ATXN7: variants seen among roughly 807,000 people sequenced by gnomAD.
The protein encoded by ATXN7 is ataxin-7.
A neutral mutation model predicts 70.5 loss-of-function variants in ATXN7; 12 were observed. The ratio of observed to expected loss-of-function variants is 0.17; its 90% CI spans 0.11 to 0.28. The LOEUF is 0.28. ATXN7 is among the 10% of genes least tolerant of loss of function. The pLI is 1.00. For missense variants in ATXN7, 1,256 were observed against 1,131.7 expected (o/e 1.11, Z -1.58); for synonymous variants, 498 against 448.7 (o/e 1.11, Z -1.39).
intron 1 of ATXN7, among the ~76,000 whole-genome samples, chr3:63,885,971 C>T (rs1229253476): frequency 6.6e-6 from 1 of 152,048 alleles, no homozygotes; most frequent in Non-Finnish European, 1.5e-5. Flanking sequence ...GAGCTGGGAT[C>T]ACGCCACTAT....
intron 5 of ATXN7, among the ~76,000 whole-genome samples, chr3:63,969,763 G>A (rs1233903418): frequency 6.6e-6 from 1 of 152,114 alleles, no homozygotes; most frequent in Non-Finnish European, 1.5e-5. Flanking sequence ...CAAATTGGAA[G>A]GCTATCCTTA....
At chr3:63,961,951 A>T (rs1425436236) in intron 5 of ATXN7, among the ~76,000 whole-genome samples, 1 of 152,176 alleles carries the variant, frequency 6.6e-6, no homozygotes, top group East Asian at 1.9e-4. Context: ...ACGATGACTA[A>T]GATAAACACA....
intron 5 of ATXN7, among the ~76,000 whole-genome samples, chr3:63,958,638 A>G (rs1440375593): frequency 1.3e-5 from 2 of 152,162 alleles, no homozygotes; most frequent in African/African-American, 4.8e-5. Flanking sequence ...TTTAGCTCAT[A>G]ACTGTTTTTG....
chr3:63,907,898 TATTATA>T (rs1195753783), intron 2 of ATXN7, among the ~76,000 whole-genome samples: 1 of 152,210 alleles, frequency 6.6e-6, no homozygotes, highest in Non-Finnish European at 1.5e-5. Flanking sequence ...TTACCTTTTA[TATTATA>T]ATTTATTATT....
intron 1 of ATXN7, among the ~76,000 whole-genome samples, chr3:63,881,226 T>C (rs529916618): frequency 6.7e-6 from 1 of 149,660 alleles, no homozygotes; most frequent in Non-Finnish European, 1.5e-5. Flanking sequence ...AAAAAATGGA[T>C]TACTCTTAGC....
At position 63,863,920 on chromosome 3, in the gene ATXN7, G is replaced by T. The variant is rs1702314741; in HGVS notation, c.-349G>T. The stretch of plus-strand genomic sequence containing the variant: ...GGAGGAGGCGGCGGCGCCCGCGGCC[G>T]CCTGCTCCGACGCCTGAGCCGCGCC... On this transcript the variant is annotated 5_prime_UTR_variant, in exon 1 of 13. Transcript: ENST00000674280. 4 of 931,720 alleles carry T rather than the reference G, an allele frequency of 4.3e-6. No individual in the cohort carries two copies. Among genetic ancestry groups the T allele is most frequent in the Non-Finnish European group, 5.2e-6 (4 of 769,336 alleles). The allele number at this position is 931,720 out of a possible 1,614,324, so 57.7% of individuals were successfully genotyped here.
intron 2 of ATXN7, chr3:63,902,113 T>G (rs150358993): frequency 1.3e-5 from 2 of 152,152 alleles, no homozygotes; most frequent in Admixed American, 1.3e-4. Flanking sequence ...AATTGCACAC[T>G]TAAAATGGTT....
At position 63,995,969 on chromosome 3, in the gene ATXN7, A is replaced by G; in HGVS notation, c.2147A>G (p.His716Arg). 1 of 1,613,754 alleles carries G rather than the reference A, an allele frequency of 6.2e-7. No individual in the cohort carries two copies. The highest frequency in any genetic ancestry group is 8.5e-7 in the Non-Finnish European group (1 of 1,179,922). The change falls in exon 12 of 13, where the codon CAC (histidine) becomes CGC (arginine). Residue 716 changes from histidine to arginine, a missense_variant. Transcript: ENST00000674280. ...AAAAACAGTTCCCCACTGTTGGTTC[A>G]CTCTTCCTCCTCCTCTTCCTCCTCC... ...KRKNSSPLLV[H>R]SSSSSSSSSS...
At chr3:63,940,224 A>C (rs1181683454) in intron 4 of ATXN7, among the ~76,000 whole-genome samples, 1 of 151,726 alleles carries the variant, frequency 6.6e-6, no homozygotes, top group Non-Finnish European at 1.5e-5. Context: ...GTATACAAGC[A>C]GGAAGTGAAG....
At chr3:63,975,230 T>C (rs2075373070) in intron 5 of ATXN7, among the ~76,000 whole-genome samples, 1 of 152,232 alleles carries the variant, frequency 6.6e-6, no homozygotes, top group Admixed American at 6.5e-5. Context: ...GCCACTTGCA[T>C]GATACCCGTT....
chr3:63,969,595 C>T (rs181210637), intron 5 of ATXN7, among the ~76,000 whole-genome samples: 10 of 152,176 alleles, frequency 6.6e-5, no homozygotes, highest in Admixed American at 2.6e-4. Context: ...GAGTGGTTAA[C>T]GGCATAGTTT....
chr3:63,926,202 G>GTATTGTTCT (rs796742063), intron 4 of ATXN7, among the ~76,000 whole-genome samples: 6 of 152,284 alleles, frequency 3.9e-5, no homozygotes, highest in African/African-American at 1.4e-4. Flanking sequence ...TTTGTGCTAG[G>GTATTGTTCT]TATTTTCAGG....
chr3:63,908,474 A>C (rs1226461949), intron 2 of ATXN7, among the ~76,000 whole-genome samples: 1 of 152,216 alleles, frequency 6.6e-6, no homozygotes, highest in Non-Finnish European at 1.5e-5. Context: ...AATTTAGTGG[A>C]TCTGAGTTTC....
Position 63,948,390 on chromosome 3 carries a change from T to G in ATXN7, c.395-3989T>G, listed in dbSNP as rs574823231. On this transcript the variant is annotated intron_variant, in intron 4 of 12. Coordinates refer to ENST00000674280, the MANE Select transcript of ATXN7 (RefSeq NM_001377405.1). ...AAGTTTTGGACATGCTTGTTCTGTTTGAAATGTATATAAGACATCTAGATG... is the reference window on the plus strand; with the variant it reads ...AAGTTTTGGACATGCTTGTTCTGTTGGAAATGTATATAAGACATCTAGATG... 3.3e-5 allele frequency among the ~76,000 whole-genome samples: 5 copies of G among 152,200 alleles called. No individual in the cohort carries two copies. The East Asian group carries it at 7.7e-4, about 24-fold the overall frequency.
intron 2 of ATXN7, among the ~76,000 whole-genome samples, chr3:63,906,171 T>C (rs748962376): frequency 1.3e-5 from 2 of 151,992 alleles, no homozygotes; most frequent in African/African-American, 2.4e-5. Context: ...GGAAAGGGAG[T>C]GCAAGTTTTT....
intron 8 of ATXN7, among the ~76,000 whole-genome samples, chr3:63,985,846 A>G (rs2075570641): frequency 6.6e-6 from 1 of 152,210 alleles, no homozygotes; most frequent in South Asian, 2.1e-4. Context: ...CACTCTTTCT[A>G]GGTCGCAGGG....
chr3:63,912,567 C>A, intron 2 of ATXN7, 21 bp from the exon 3 acceptor site: 1 of 1,116,068 alleles, frequency 9.0e-7, no homozygotes, highest in Non-Finnish European at 1.1e-6. Flanking sequence ...CTCTTTCCCC[C>A]TTTTTTTTGT....
chr3:63,904,912 G>A (rs1312254355), intron 2 of ATXN7: 3 of 152,046 alleles, frequency 2.0e-5, no homozygotes, highest in Admixed American at 2.0e-4. Context: ...CTGTTCTTTT[G>A]TTGTTGTTTA....
intron 8 of ATXN7, among the ~76,000 whole-genome samples, chr3:63,987,717 A>C (rs996761533): frequency 2.0e-5 from 3 of 152,164 alleles, no homozygotes; most frequent in Non-Finnish European, 4.4e-5. Context: ...AGAGCCCCCA[A>C]AACCAAATTG....
Sources: gnomAD v4.1 joint callset for allele counts (sites outside exome capture counted in the v4.1 genomes callset) on GRCh38, gnomAD v4.1.1 for gene constraint, MANE v1.5 for transcripts, NCBI Gene and HGNC (gene_info 2026-07-23, HGNC 2026-07-21) for gene names.